CFAP58: variants seen among roughly 807,000 people sequenced by gnomAD.
CFAP58 encodes the protein cilia- and flagella-associated protein 58.
CFAP58 carries 88 observed loss-of-function variants against 119.5 expected under a neutral mutation model. The observed-to-expected ratio is 0.74, with a 90% CI of 0.62 to 0.88. CFAP58 has a LOEUF of 0.88. Among genes scored for constraint, CFAP58 ranks in the 40% least tolerant of loss-of-function variants. The pLI is 0.00. For synonymous variants in CFAP58, 365 were observed against 366.3 expected (o/e 1.00, Z 0.04); for missense variants, 990 against 1,021.2 (o/e 0.97, Z 0.42).
intron 15 of CFAP58, among the ~76,000 whole-genome samples, chr10:104,432,371 G>C (rs1011667872): frequency 6.6e-6 from 1 of 152,084 alleles, no homozygotes; most frequent in African/African-American, 2.4e-5. Context: ...GTGAACATGT[G>C]AAAATAAGGT....
chr10:104,436,367 A>G (rs908012822), intron 15 of CFAP58, among the ~76,000 whole-genome samples: 2 of 152,202 alleles, frequency 1.3e-5, no homozygotes, highest in African/African-American at 4.8e-5. Flanking sequence ...CTGTTCTTGC[A>G]TTGCTATGAA....
chr10:104,405,157 C>G (rs1272594705), intron 14 of CFAP58, among the ~76,000 whole-genome samples: 2 of 152,116 alleles, frequency 1.3e-5, no homozygotes, highest in Non-Finnish European at 2.9e-5. Context: ...AGCGTCCAAC[C>G]CTGCCGGGTG....
intron 15 of CFAP58, among the ~76,000 whole-genome samples, chr10:104,415,276 G>C (rs1005942349): frequency 3.3e-5 from 5 of 152,282 alleles, no homozygotes; most frequent in African/African-American, 9.6e-5. Context: ...AAGTGAGATG[G>C]GGAGGGAGGA....
chr10:104,357,427 A>T (rs986971711), intron 1 of CFAP58, among the ~76,000 whole-genome samples: 8 of 152,136 alleles, frequency 5.3e-5, no homozygotes, highest in Admixed American at 5.2e-4. Context: ...GTTTCACTGT[A>T]TATGTGATTT....
intron 13 of CFAP58, among the ~76,000 whole-genome samples, chr10:104,403,480 G>A (rs1273361539): frequency 6.7e-6 from 1 of 148,712 alleles, no homozygotes; most frequent in Non-Finnish European, 1.5e-5. Context: ...TGAGTATCCA[G>A]AACCATGACT....
At chr10:104,409,032 C>G (rs1049145931) in intron 15 of CFAP58, among the ~76,000 whole-genome samples, 1 of 151,938 alleles carries the variant, frequency 6.6e-6, no homozygotes, top group Non-Finnish European at 1.5e-5. Flanking sequence ...CCCATGAATT[C>G]GAGGCTGTGG....
intron 9 of CFAP58, among the ~76,000 whole-genome samples, chr10:104,381,392 A>T (rs2011799685): frequency 6.6e-6 from 1 of 152,202 alleles, no homozygotes; most frequent in Non-Finnish European, 1.5e-5. Flanking sequence ...ATGCATTCAT[A>T]GATGGCATAG....
Position 104,446,726 on chromosome 10 carries a change from G to A in CFAP58, c.2257-972G>A, listed in dbSNP as rs562537465. Among the ~76,000 whole-genome samples the A allele has an allele frequency of 8.5e-5, 13 of 152,278 alleles. No homozygotes were observed. The East Asian group carries it at 2.5e-3, about 29-fold the overall frequency. ...TTTATTCAAATTATTGCAGTTTAGT[G>A]ATTTGGAAATCTAGAATTGAGATGC... On this transcript the variant is annotated intron_variant, in intron 15 of 17. Coordinates refer to ENST00000369704, the MANE Select transcript of CFAP58 (RefSeq NM_001008723.2).
intron 5 of CFAP58, among the ~76,000 whole-genome samples, chr10:104,367,791 A>G (rs2014771637): frequency 6.6e-6 from 1 of 152,222 alleles, no homozygotes; most frequent in Admixed American, 6.5e-5. Context: ...AATAGAAATG[A>G]GCCCCCAAGA....
At chr10:104,390,196 G>A (rs960051294) in intron 9 of CFAP58, among the ~76,000 whole-genome samples, 5 of 152,186 alleles carry the variant, frequency 3.3e-5, no homozygotes, top group African/African-American at 9.6e-5. Flanking sequence ...CTGTAGCATG[G>A]TTCAGAGTGG....
intron 15 of CFAP58, among the ~76,000 whole-genome samples, chr10:104,421,955 G>A (rs1313341774): frequency 6.6e-6 from 1 of 152,208 alleles, no homozygotes; most frequent in Non-Finnish European, 1.5e-5. Context: ...GGAGGCCGAG[G>A]TGGGTGGATC....
At chr10:104,415,324 C>G (rs2012532987) in intron 15 of CFAP58, among the ~76,000 whole-genome samples, 1 of 152,124 alleles carries the variant, frequency 6.6e-6, no homozygotes, top group Non-Finnish European at 1.5e-5. Context: ...CGGGTCATCC[C>G]ATGGGCGTTT....
At chr10:104,402,242 A>G (rs1345378712) in intron 13 of CFAP58, among the ~76,000 whole-genome samples, 1 of 152,228 alleles carries the variant, frequency 6.6e-6, no homozygotes, top group East Asian at 1.9e-4. Context: ...TATAGAGTCT[A>G]GTACAAAGCA....
chr10:104,406,613 T>A, intron 14 of CFAP58, 76 bp from the exon 15 acceptor site: 2 of 1,126,750 alleles, frequency 1.8e-6, no homozygotes, highest in Non-Finnish European at 1.3e-6. Context: ...AATAAGACAA[T>A]GTGCATTTTA....
chr10:104,389,668 AG>A (rs2011994293), intron 9 of CFAP58, among the ~76,000 whole-genome samples: 1 of 152,140 alleles, frequency 6.6e-6, no homozygotes, highest in African/African-American at 2.4e-5. Context: ...AGTGAACTTG[AG>A]GGTAGAGAAT....
intron 6 of CFAP58, among the ~76,000 whole-genome samples, chr10:104,369,685 A>G (rs541395756): frequency 3.3e-5 from 5 of 152,232 alleles, no homozygotes; most frequent in African/African-American, 7.2e-5. Context: ...TGAATGGGGC[A>G]TTTTGAAAGA....
intron 7 of CFAP58, among the ~76,000 whole-genome samples, chr10:104,375,143 C>T (rs1311321639): frequency 1.3e-5 from 2 of 150,976 alleles, no homozygotes; most frequent in Non-Finnish European, 2.9e-5. Context: ...TAAAAATTTT[C>T]TGTATTCTGT....
At chr10:104,425,413 T>C (rs961962340) in intron 15 of CFAP58, among the ~76,000 whole-genome samples, 6 of 152,150 alleles carry the variant, frequency 3.9e-5, no homozygotes, top group African/African-American at 1.4e-4. Flanking sequence ...GGACCAATTA[T>C]ATGTCTTAGA....
intron 17 of CFAP58, among the ~76,000 whole-genome samples, chr10:104,451,128 A>G (rs985376826): frequency 6.6e-6 from 1 of 152,234 alleles, no homozygotes; most frequent in African/African-American, 2.4e-5. Context: ...GACATTGCCA[A>G]AATCATCCAG....
Sources: allele counts gnomAD v4.1 joint callset (sites outside exome capture counted in the v4.1 genomes callset), GRCh38; gene constraint gnomAD v4.1.1; transcripts MANE v1.5; gene names NCBI Gene and HGNC (gene_info 2026-07-23, HGNC 2026-07-21).